Variants in CUX1 observed in about 807,000 individuals in gnomAD.
CUX1 encodes the protein cut like homeobox 1, also known as protein CASP.
A neutral mutation model predicts 158.8 loss-of-function variants in CUX1; 31 were observed. The observed-to-expected ratio is 0.20, with a 90% confidence interval of 0.15 to 0.26. CUX1 has a LOEUF of 0.26. Ranked by LOEUF, CUX1 falls within the 10% of genes least tolerant of loss-of-function variation. The pLI is 1.00. For synonymous variants in CUX1, 879 were observed against 862.1 expected (o/e 1.02, Z -0.34); for missense variants, 1,589 against 2,014.6 (o/e 0.79, Z 4.04).
chr7:102,231,175 G>A (rs963663239), intron 21 of CUX1, among the ~76,000 whole-genome samples: 2 of 151,768 alleles, frequency 1.3e-5, no homozygotes, highest in Non-Finnish European at 2.9e-5. Flanking sequence ...GACTACAGGC[G>A]CCCACCACCA....
intron 20 of CUX1, chr7:102,280,928 A>C: frequency 6.8e-7 from 1 of 1,470,740 alleles, no homozygotes. Context: ...GCACCTCTTC[A>C]CCTGCCCTGC....
chr7:102,025,754 T>C (rs1374489560), intron 2 of CUX1, among the ~76,000 whole-genome samples: 1 of 152,210 alleles, frequency 6.6e-6, no homozygotes, highest in East Asian at 1.9e-4. Flanking sequence ...AATAATGGTA[T>C]CACGTTTAGA....
intron 14 of CUX1, among the ~76,000 whole-genome samples, chr7:102,272,306 C>T (rs1425954623): frequency 6.6e-6 from 1 of 152,238 alleles, no homozygotes; most frequent in East Asian, 1.9e-4. Context: ...CAGCAGGCCG[C>T]GCAGTCAGGG....
At position 102,098,807 on chromosome 7, in the gene CUX1, A is replaced by ATT. The variant is rs112048598; in HGVS notation, c.406+1337_406+1338dup. Among the ~76,000 whole-genome samples, 39 of 68,000 alleles carry ATT rather than the reference A, an allele frequency of 5.7e-4. 2 individuals carry two copies. The highest frequency in any genetic ancestry group is 1.7e-3 in the South Asian group (3 of 1,724). The allele number at this position is 68,000 out of a possible 152,430, so 44.6% of individuals were successfully genotyped here. ...AGGAGCCCGCCACCACGCCCAACTA[A>ATT]TTTTTTTTTTTTTTTTTTTTTTTTT... On this transcript the variant is annotated intron_variant, in intron 5 of 23. Transcript: ENST00000292535.
rs894012524 is a variant in CUX1 at position 102,254,173 on chromosome 7, C to G, written c.*5131C>G. 1 of 985,584 alleles carries G rather than the reference C, an allele frequency of 1.0e-6. No individual in the cohort carries two copies. Among genetic ancestry groups the G allele is most frequent in the Non-Finnish European group, 1.2e-6 (1 of 830,080 alleles). The allele number at this position is 985,584 out of a possible 1,614,324, so 61.1% of individuals were successfully genotyped here. A position where few individuals can be genotyped will look rare whatever the true frequency, so the allele number is the denominator to read the frequency against. On this transcript the variant is annotated 3_prime_UTR_variant, in exon 24 of 24. Coordinates refer to ENST00000292535, the MANE Select transcript of CUX1 (RefSeq NM_181552.4). ...GTTCCCAAAGCTCCAGCAGCTGTTT[C>G]TTTTGCAGGCAGGGCGTGGTCTCGG...
intron 8 of CUX1, among the ~76,000 whole-genome samples, chr7:102,157,099 G>T (rs78360105): frequency 6.6e-6 from 1 of 152,148 alleles, no homozygotes; most frequent in Non-Finnish European, 1.5e-5. Context: ...GGTCCCGCAC[G>T]AGATGGGAGT....
Position 102,197,175 on chromosome 7 carries a change from G to A in CUX1, c.1764G>A (p.Glu588=), listed in dbSNP as rs113810860. Residue 588 remains glutamate, a synonymous_variant, in exon 15 of 24, where the codon GAG becomes GAA. Coordinates refer to ENST00000292535, the MANE Select transcript of CUX1 (RefSeq NM_181552.4). The part of the protein sequence containing the change: ...VLGLSQGSVS[E]ILARPKPWNK... Reference sequence around the variant, plus strand: ...GACTGTCTCAAGGGTCCGTGAGCGAGATTCTGGCCCGGCCCAAGCCATGGA... The same window carrying A: ...GACTGTCTCAAGGGTCCGTGAGCGAAATTCTGGCCCGGCCCAAGCCATGGA... 5 of 1,614,136 alleles carry A rather than the reference G, an allele frequency of 3.1e-6. No homozygotes were observed. The highest frequency in any genetic ancestry group is 2.7e-5 in the African/African-American group (2 of 74,944).
intron 2 of CUX1, among the ~76,000 whole-genome samples, chr7:101,926,887 C>G (rs1227854371): frequency 6.6e-6 from 1 of 151,988 alleles, no homozygotes; most frequent in Non-Finnish European, 1.5e-5. Context: ...CTTTCTTTTA[C>G]AAGTAGTCCT....
intron 23 of CUX1, among the ~76,000 whole-genome samples, chr7:102,242,862 GC>G (rs1800368273): frequency 1.3e-5 from 2 of 152,226 alleles, no homozygotes; most frequent in Admixed American, 1.3e-4. Flanking sequence ...TTGTGGGGAT[GC>G]CTCTTTTGTG....
chr7:102,074,156 C>T (rs1364237624), intron 4 of CUX1, among the ~76,000 whole-genome samples: 2 of 152,164 alleles, frequency 1.3e-5, no homozygotes, highest in East Asian at 1.9e-4. Flanking sequence ...CGAGGGGAGT[C>T]GGGGTGCCTT....
intron 4 of CUX1, among the ~76,000 whole-genome samples, chr7:102,085,583 C>T (rs1827878474): frequency 1.3e-5 from 2 of 152,226 alleles, no homozygotes; most frequent in South Asian, 4.1e-4. Flanking sequence ...TCTGCCATGA[C>T]TGTAAGTTTC....
chr7:102,260,502 G>A (rs949519750), downstream of CUX1, among the ~76,000 whole-genome samples: 2 of 148,510 alleles, frequency 1.3e-5, no homozygotes, highest in African/African-American at 2.5e-5. Context: ...CACCGCCTGG[G>A]TTCAGGCGAT....
chr7:102,012,589 G>T (rs967666552), intron 2 of CUX1, among the ~76,000 whole-genome samples: 1 of 152,068 alleles, frequency 6.6e-6, no homozygotes, highest in Non-Finnish European at 1.5e-5. Context: ...ACTTTTCCCA[G>T]CGTCCTCTCT....
chr7:102,168,643 C>CA (rs1167424159), intron 9 of CUX1, among the ~76,000 whole-genome samples: 28,043 of 75,284 alleles, frequency 0.37, 4,593 homozygotes, highest in Middle Eastern at 0.42. Context: ...GGCTCTGTCT[C>CA]AAAAAAAAAA....
chr7:101,959,238 A>T (rs909013845), intron 2 of CUX1, among the ~76,000 whole-genome samples: 1 of 145,706 alleles, frequency 6.9e-6, no homozygotes, highest in East Asian at 2.1e-4. Context: ...ATGTGTGTGC[A>T]GTGTGTGTGT....
chr7:102,022,583 A>G (rs977095765), intron 2 of CUX1, among the ~76,000 whole-genome samples: 3 of 150,698 alleles, frequency 2.0e-5, no homozygotes, highest in African/African-American at 7.3e-5. Flanking sequence ...GAGCCACTGC[A>G]CTCCAGCCTG....
intron 18 of CUX1, among the ~76,000 whole-genome samples, chr7:102,203,543 T>C (rs1325047873): frequency 3.3e-5 from 5 of 152,210 alleles, no homozygotes; most frequent in African/African-American, 1.2e-4. Context: ...TCTAGTTCAG[T>C]GTTGTAAAAA....
chr7:101,821,840 A>AGTTTTTTT (rs1253272273), intron 1 of CUX1, among the ~76,000 whole-genome samples: 5 of 116,318 alleles, frequency 4.3e-5, no homozygotes, highest in East Asian at 2.4e-4. Context: ...ATGCCTGGCT[A>AGTTTTTTT]GTTTTTTTGT....
At chr7:102,208,120 C>T (rs931758912) in intron 20 of CUX1, among the ~76,000 whole-genome samples, 7 of 151,652 alleles carry the variant, frequency 4.6e-5, no homozygotes, top group African/African-American at 1.7e-4. Flanking sequence ...CCCAGGAGGT[C>T]GAGGCTGCAG....
Sources: allele counts gnomAD v4.1 joint callset (sites outside exome capture counted in the v4.1 genomes callset), GRCh38; gene constraint gnomAD v4.1.1; transcripts MANE v1.5; gene names NCBI Gene and HGNC (gene_info 2026-07-23, HGNC 2026-07-21).